The following MED27 variants were observed in gnomAD, a reference collection of about 807,000 sequenced individuals.
MED27 encodes the protein mediator complex subunit 27.
A neutral mutation model predicts 38.2 loss-of-function variants in MED27; 30 were observed. That is an observed-to-expected ratio of 0.79 (90% CI 0.59 to 1.07). MED27 has a LOEUF of 1.07. Ranked by LOEUF, MED27 falls within the 50% of genes least tolerant of loss-of-function variation. The pLI, the probability that MED27 is intolerant of heterozygous loss-of-function variation, is 0.00. For synonymous variants in MED27, 122 were observed against 153.5 expected (o/e 0.79, Z 1.52); for missense variants, 289 against 397.5 (o/e 0.73, Z 2.32).
chr9:131,906,091 A>G (rs866588972), intron 4 of MED27, among the ~76,000 whole-genome samples: 3 of 152,250 alleles, frequency 2.0e-5, no homozygotes, highest in African/African-American at 7.2e-5. Flanking sequence ...ATGTGAAAAA[A>G]TGACATTTAG....
In MED27 at chr9:131,883,914, A is replaced by G. The variant is rs1589183364; in HGVS notation, c.723+144T>C. ...TTTGTTTTTTTCCAGAATGTCATAC[A>G]TATGGAATCAGACAGTGAGCATCCT... is the stretch of plus-strand genomic sequence containing the variant. On this transcript the variant is annotated intron_variant, in intron 6 of 7. Coordinates refer to ENST00000292035, the MANE Select transcript of MED27 (RefSeq NM_004269.4). This position sits in a 1 kb window ranked among gnomAD's most constrained non-coding sequence, Gnocchi z 4.2. 1 of 667,612 alleles carries G rather than the reference A, an allele frequency of 1.5e-6. No homozygotes were observed. The highest frequency in any genetic ancestry group is 2.9e-5 in the East Asian group (1 of 34,384). 41.4% of individuals were successfully genotyped at this position (667,612 alleles called of 1,614,324 possible).
chr9:132,071,276 C>A (rs1490976413), intron 2 of MED27, among the ~76,000 whole-genome samples: 3 of 151,906 alleles, frequency 2.0e-5, no homozygotes, highest in African/African-American at 7.3e-5. Flanking sequence ...CTCTGAACCA[C>A]CGAGCAACAC....
At chr9:131,936,132 C>CAAAA (rs748150201) in intron 4 of MED27, among the ~76,000 whole-genome samples, 4 of 84,228 alleles carry the variant, frequency 4.7e-5, no homozygotes, top group Non-Finnish European at 7.3e-5. Flanking sequence ...GACCCTGTCT[C>CAAAA]AAAAAAAAAA....
intron 4 of MED27, among the ~76,000 whole-genome samples, chr9:131,923,540 T>G (rs185733086): frequency 8.5e-5 from 13 of 152,262 alleles, no homozygotes; most frequent in African/African-American, 2.9e-4. Context: ...GGTCACATTA[T>G]TCAATTGAAA....
intron 3 of MED27, among the ~76,000 whole-genome samples, chr9:131,962,062 G>C (rs888330348): frequency 3.9e-5 from 6 of 152,118 alleles, no homozygotes; most frequent in African/African-American, 1.4e-4. Flanking sequence ...TCTAGTGGTA[G>C]GCAAAGCTGG....
chr9:131,882,910 C>CT (rs112709962), intron 6 of MED27, among the ~76,000 whole-genome samples: 329 of 141,814 alleles, frequency 2.3e-3, no homozygotes, highest in African/African-American at 3.6e-3. Context: ...TCAGTGGATA[C>CT]TTTTTTTTTT....
chr9:132,002,803 T>C (rs1428562326), intron 3 of MED27, among the ~76,000 whole-genome samples: 1 of 151,432 alleles, frequency 6.6e-6, no homozygotes, highest in Non-Finnish European at 1.5e-5. Context: ...TAATCCCAGC[T>C]ACTCCAGAGG....
At chr9:132,053,412 G>T (rs940964004) in intron 2 of MED27, among the ~76,000 whole-genome samples, 29 of 151,970 alleles carry the variant, frequency 1.9e-4, no homozygotes, top group African/African-American at 6.5e-4. Context: ...CAGGGAGAAA[G>T]AGATTTGGGT....
intron 2 of MED27, among the ~76,000 whole-genome samples, chr9:132,029,800 T>C (rs1009909680): frequency 2.0e-5 from 3 of 151,534 alleles, no homozygotes; most frequent in African/African-American, 7.3e-5. Context: ...AAATGATGTT[T>C]TAATAAAGTC....
intron 3 of MED27, among the ~76,000 whole-genome samples, chr9:131,998,281 C>G (rs1040815712): frequency 6.6e-6 from 1 of 150,618 alleles, no homozygotes; most frequent in Non-Finnish European, 1.5e-5. Flanking sequence ...TTTTTAATAT[C>G]CTTTTTTTTT....
intron 4 of MED27, among the ~76,000 whole-genome samples, chr9:131,895,287 T>C (rs1462742334): frequency 6.6e-6 from 1 of 152,182 alleles, no homozygotes; most frequent in Admixed American, 6.5e-5. Flanking sequence ...CACCCGCCCA[T>C]AGTGCGAGTT....
chr9:132,028,575 C>G (rs1832879680), intron 2 of MED27, among the ~76,000 whole-genome samples: 2 of 151,984 alleles, frequency 1.3e-5, no homozygotes, highest in Admixed American at 6.6e-5. Flanking sequence ...CCTATATACC[C>G]TGCCTACACA....
chr9:132,023,203 T>TC lies in MED27; in HGVS notation c.349-8737dup, dbSNP rs1239984579. 5.3e-5 allele frequency among the ~76,000 whole-genome samples: 8 copies of TC among 151,266 alleles called. No individual in the cohort carries two copies. In the South Asian group the frequency reaches 1.3e-3, roughly 24 times the overall value. ...ATATGACCCTGAATATTTCTCTTTTTCCCCCCCAAAAGAAAACAGATGGTT... is the reference window on the plus strand; with the variant it reads ...ATATGACCCTGAATATTTCTCTTTTTCCCCCCCCAAAAGAAAACAGATGGTT... On this transcript the variant is annotated intron_variant, in intron 2 of 7. Transcript: ENST00000292035.
chr9:131,964,040 T>A (rs1195709782), intron 3 of MED27, among the ~76,000 whole-genome samples: 2 of 152,054 alleles, frequency 1.3e-5, no homozygotes. Context: ...TAAGTACTGA[T>A]CTGATTGTGA....
chr9:131,907,725 A>G (rs1830095892), intron 4 of MED27, among the ~76,000 whole-genome samples: 2 of 142,276 alleles, frequency 1.4e-5, no homozygotes, highest in Admixed American at 7.1e-5. Context: ...CCCAGTCTGG[A>G]AAGTGAGGAG....
chr9:131,863,054 G>A lies in MED27; in HGVS notation c.801+9C>T, dbSNP rs1479765846. Reference sequence around the variant, plus strand: ...TTAAACAGGAGACCTGACTCTTGAAGCCACTTACCATGAAGGATCGGACCA... The same window carrying A: ...TTAAACAGGAGACCTGACTCTTGAAACCACTTACCATGAAGGATCGGACCA... On this transcript the variant is annotated intron_variant, in intron 7 of 7. Coordinates refer to ENST00000292035, the MANE Select transcript of MED27 (RefSeq NM_004269.4). The A allele has an allele frequency of 3.7e-6, 6 of 1,613,436 alleles. No individual in the cohort carries two copies. Among genetic ancestry groups the A allele is most frequent in the African/African-American group, 2.7e-5 (2 of 74,900 alleles).
At chr9:132,041,829 C>T (rs573298580) in intron 2 of MED27, among the ~76,000 whole-genome samples, 24 of 152,326 alleles carry the variant, frequency 1.6e-4, no homozygotes, top group Non-Finnish European at 1.5e-5. Flanking sequence ...TGGCAGCTGC[C>T]GCTGACTTTC....
rs146268751 is a variant in MED27 at position 132,035,456 on chromosome 9, G to C, written c.349-20989C>G. On this transcript the variant is annotated intron_variant, in intron 2 of 7. Transcript: ENST00000292035. ...ATAGGTACAACATGCAGGATGTTCA[G>C]TGACAAAAAGGAGGACCATGAAAAA... Among the ~76,000 whole-genome samples, 22 of 152,208 alleles carry C rather than the reference G, an allele frequency of 1.4e-4. No individual in the cohort carries two copies. The East Asian group carries it at 3.9e-3, about 27-fold the overall frequency.
At chr9:131,939,200 A>T (rs573020260) in intron 4 of MED27, among the ~76,000 whole-genome samples, 181 bp downstream of exon 4, 34 of 152,368 alleles carry the variant, frequency 2.2e-4, no homozygotes, top group Non-Finnish European at 4.9e-4. Context: ...TTTGTTCAAA[A>T]GCAAGGTTTC....
Sources: gnomAD v4.1 joint callset for allele counts (sites outside exome capture counted in the v4.1 genomes callset) on GRCh38, gnomAD v4.1.1 for gene constraint, Gnocchi (gnomAD v3.1) non-coding constraint, MANE v1.5 for transcripts, NCBI Gene and HGNC (gene_info 2026-07-23, HGNC 2026-07-21) for gene names.